The following MTRF1 variants were observed in gnomAD, a reference collection of about 807,000 sequenced individuals.
The protein encoded by MTRF1 is mitochondrial translation release factor 1.
In MTRF1, 51 loss-of-function variants were observed where a neutral mutation model predicts 62.9. That is an observed-to-expected ratio of 0.81 (90% CI 0.65 to 1.02). The LOEUF (loss-of-function observed/expected upper bound fraction) is 1.02. MTRF1 is among the 50% of genes least tolerant of loss of function. The probability of loss-of-function intolerance (pLI) is 0.00; values close to 1 mark genes in which losing one functional copy is unlikely to be tolerated. For missense variants in MTRF1, 446 were observed against 530.0 expected (o/e 0.84, Z 1.56); for synonymous variants, 158 against 181.9 (o/e 0.87, Z 1.06).
chr13:41,277,468 C>T, the MTRF1 span, among the ~76,000 whole-genome samples: 6 of 152,022 alleles, frequency 3.9e-5, no homozygotes, highest in Non-Finnish European at 8.8e-5. Flanking sequence ...GGTCTTTATT[C>T]GTGCAGCAGG....
the MTRF1 span, among the ~76,000 whole-genome samples, chr13:41,304,670 C>T: frequency 1.3e-5 from 2 of 152,202 alleles, no homozygotes; most frequent in African/African-American, 2.4e-5. Flanking sequence ...TTCCCATGCT[C>T]CTCCATTTAT....
chr13:41,245,803 A>G (rs1485087845), intron 5 of MTRF1, among the ~76,000 whole-genome samples: 1 of 152,174 alleles, frequency 6.6e-6, no homozygotes, highest in Non-Finnish European at 1.5e-5. Flanking sequence ...GGCTTTGTGT[A>G]ATGTTCAAAT....
chr13:41,237,047 C>T (rs1040037185), intron 6 of MTRF1, among the ~76,000 whole-genome samples: 2 of 151,714 alleles, frequency 1.3e-5, no homozygotes, highest in African/African-American at 4.8e-5. Flanking sequence ...GGCGAAACCT[C>T]GTCGCTACAA....
At chr13:41,307,481 G>A in the MTRF1 span, among the ~76,000 whole-genome samples, 1 of 152,032 alleles carries the variant, frequency 6.6e-6, no homozygotes, top group African/African-American at 2.4e-5. Flanking sequence ...AAAATTAGCT[G>A]GGCATGGCGG....
intron 5 of MTRF1, among the ~76,000 whole-genome samples, chr13:41,244,184 T>C (rs556837676): frequency 6.6e-6 from 1 of 151,446 alleles, no homozygotes; most frequent in Non-Finnish European, 1.5e-5. Flanking sequence ...TTCACATTTA[T>C]AAGTCAGTTT....
chr13:41,303,214 A>G, the MTRF1 span, among the ~76,000 whole-genome samples: 1 of 152,158 alleles, frequency 6.6e-6, no homozygotes, highest in Non-Finnish European at 1.5e-5. Context: ...ACTTTGATGG[A>G]AGATAATACA....
the MTRF1 span, among the ~76,000 whole-genome samples, chr13:41,306,468 T>C: frequency 1.3e-5 from 2 of 152,194 alleles, no homozygotes; most frequent in Non-Finnish European, 2.9e-5. Context: ...ACACGTTGTA[T>C]AACCTGATAA....
chr13:41,218,486 A>T lies in MTRF1; in HGVS notation c.1225-1258T>A, dbSNP rs111339643. On this transcript the variant is annotated intron_variant, in intron 9 of 9. Transcript: ENST00000379480. ...TTGAAATAAAAAGTTGAGAAAAAAAATTTTCATGTTTACCACTAAATAACT... is the reference window on the plus strand; with the variant it reads ...TTGAAATAAAAAGTTGAGAAAAAAATTTTTCATGTTTACCACTAAATAACT... 5.4e-3 allele frequency among the ~76,000 whole-genome samples: 825 copies of T among 152,150 alleles called. 8 individuals are homozygous for T. The highest frequency in any genetic ancestry group is 0.018 in the African/African-American group (743 of 41,498).
At chr13:41,276,857 T>C in the MTRF1 span, among the ~76,000 whole-genome samples, 1 of 152,084 alleles carries the variant, frequency 6.6e-6, no homozygotes, top group Non-Finnish European at 1.5e-5. Flanking sequence ...CTATTGTCCT[T>C]TTGAGATATC....
the MTRF1 span, among the ~76,000 whole-genome samples, chr13:41,277,560 G>T: frequency 6.6e-6 from 1 of 152,158 alleles, no homozygotes; most frequent in Admixed American, 6.5e-5. Context: ...GATGCATAGG[G>T]CAAGGTATGG....
intron 2 of MTRF1, 74 bp from the exon 3 acceptor site, chr13:41,254,694 T>G (rs1430665265): frequency 1.6e-5 from 17 of 1,079,518 alleles, no homozygotes; most frequent in Middle Eastern, 4.3e-4. Flanking sequence ...GCCATGTTCC[T>G]CTTTGGCTAC....
chr13:41,219,833 T>C (rs1243761940), intron 9 of MTRF1, among the ~76,000 whole-genome samples: 1 of 151,722 alleles, frequency 6.6e-6, no homozygotes, highest in Non-Finnish European at 1.5e-5. Flanking sequence ...ACCCCGTTTC[T>C]ACTAAAAATA....
the MTRF1 span, among the ~76,000 whole-genome samples, chr13:41,282,006 C>T: frequency 6.6e-5 from 10 of 151,948 alleles, no homozygotes; most frequent in East Asian, 9.7e-4. Flanking sequence ...GGCGTGGTGG[C>T]GGGCACCTGT....
the MTRF1 span, among the ~76,000 whole-genome samples, chr13:41,273,126 A>T: frequency 1.3e-5 from 2 of 152,030 alleles, no homozygotes; most frequent in Admixed American, 6.6e-5. Context: ...GGAGATCGAG[A>T]CCATCCTAGC....
chr13:41,216,971 G>C lies in MTRF1; in HGVS notation c.*144C>G, dbSNP rs1196292839. 1 of 463,358 alleles carries C rather than the reference G, an allele frequency of 2.2e-6. No homozygotes were observed. The highest frequency in any genetic ancestry group is 2.0e-5 in the African/African-American group (1 of 49,856). 28.7% of individuals were successfully genotyped at this position (463,358 alleles called of 1,614,324 possible). ...TTCTTAGGTCAGGAAATGTGACTTC[G>C]ATTAATTACAAAACATATATTTATG... On this transcript the variant is annotated 3_prime_UTR_variant, in exon 10 of 10. Transcript: ENST00000379480.
At chr13:41,302,274 C>T in the MTRF1 span, among the ~76,000 whole-genome samples, 1 of 152,092 alleles carries the variant, frequency 6.6e-6, no homozygotes, top group Non-Finnish European at 1.5e-5. Context: ...AGGTGAGCCA[C>T]CCGCCTCGGC....
intron 9 of MTRF1, among the ~76,000 whole-genome samples, chr13:41,220,945 A>G (rs140084721): frequency 6.6e-6 from 1 of 152,196 alleles, no homozygotes; most frequent in Non-Finnish European, 1.5e-5. Flanking sequence ...GATCACGATC[A>G]TGTAAGAATG....
the MTRF1 span, among the ~76,000 whole-genome samples, chr13:41,286,671 A>G: frequency 6.6e-6 from 1 of 152,212 alleles, no homozygotes; most frequent in Non-Finnish European, 1.5e-5. Flanking sequence ...TGTTTCACAC[A>G]CTCCACTCCA....
At chr13:41,266,868 GC>G (rs561703993), upstream of MTRF1, among the ~76,000 whole-genome samples, 39 of 151,808 alleles carry the variant, frequency 2.6e-4, no homozygotes, top group Non-Finnish European at 5.0e-4. Flanking sequence ...GGTGGCAGGC[GC>G]CTGTAGTCCC....
Sources: allele counts gnomAD v4.1 joint callset (sites outside exome capture counted in the v4.1 genomes callset), GRCh38; gene constraint gnomAD v4.1.1; transcripts MANE v1.5; gene names NCBI Gene and HGNC (gene_info 2026-07-23, HGNC 2026-07-21).